The following MPV17 variants were observed in gnomAD, a reference collection of about 807,000 sequenced individuals.
The protein encoded by MPV17 is MPV17, mitochondrial inner membrane protein.
In MPV17, 31 loss-of-function variants were observed where a neutral mutation model predicts 28.6. That is an observed-to-expected ratio of 1.08 (90% confidence interval 0.81 to 1.46). The LOEUF (loss-of-function observed/expected upper bound fraction) is 1.46. Ranked by LOEUF, MPV17 falls within the 40% of genes most tolerant of loss-of-function variation. The probability of loss-of-function intolerance (pLI) is 0.00; values close to 1 mark genes in which losing one functional copy is unlikely to be tolerated. For synonymous variants in MPV17, 87 were observed against 85.3 expected, an observed-to-expected ratio of 1.02 and a Z score of -0.11; for missense variants, 198 against 216.2, an observed-to-expected ratio of 0.92 and a Z score of 0.53.
intron 2 of MPV17, chr2:27,316,070 G>A (rs1333986636): frequency 6.4e-7 from 1 of 1,550,474 alleles, no homozygotes; most frequent in Admixed American, 2.0e-5. Flanking sequence ...AGGCCCCAAA[G>A]GGCCTGCATA....
chr2:27,312,272 T>G, intron 5 of MPV17, 26 bp from the exon 6 acceptor site: 8 of 1,613,460 alleles, frequency 5.0e-6, no homozygotes, highest in Non-Finnish European at 6.8e-6. Flanking sequence ...AGGAACAAAT[T>G]AACACTTGCG....
At chr2:27,320,003 C>T (rs1448699148) in intron 2 of MPV17, among the ~76,000 whole-genome samples, 4 of 150,604 alleles carry the variant, frequency 2.7e-5, no homozygotes, top group South Asian at 2.1e-4. Context: ...TTTAGGAGGC[C>T]GAGGCGGGTG....
At chr2:27,320,340 TG>T (rs1679811811) in intron 2 of MPV17, among the ~76,000 whole-genome samples, 1 of 150,720 alleles carries the variant, frequency 6.6e-6, no homozygotes, top group Non-Finnish European at 1.5e-5. Context: ...TTTTTTTTGT[TG>T]ATTTTTTTTT....
chr2:27,312,378 C>T, intron 5 of MPV17, 116 bp downstream of exon 5: 10 of 1,427,200 alleles, frequency 7.0e-6, no homozygotes, highest in Non-Finnish European at 9.9e-6. Context: ...TCCTCTCCTC[C>T]ATGGCCTGGG....
intron 2 of MPV17, among the ~76,000 whole-genome samples, chr2:27,315,029 C>T (rs1679599805): frequency 6.6e-6 from 1 of 152,212 alleles, no homozygotes; most frequent in South Asian, 2.1e-4. Flanking sequence ...CCTGCCTCGT[C>T]TCTCCCTGAA....
At chr2:27,315,196 G>A (rs1246043595) in intron 2 of MPV17, among the ~76,000 whole-genome samples, 1 of 152,242 alleles carries the variant, frequency 6.6e-6, no homozygotes, top group African/African-American at 2.4e-5. Context: ...AACGTCAAAT[G>A]TACTGTCCCA....
chr2:27,315,076 G>A (rs985392335), intron 2 of MPV17, among the ~76,000 whole-genome samples: 3 of 152,302 alleles, frequency 2.0e-5, no homozygotes, highest in East Asian at 1.9e-4. Context: ...AGAACACTGC[G>A]AGGCATGACC....
At chr2:27,316,826 T>C (rs560501720) in intron 2 of MPV17, 2 of 435,162 alleles carry the variant, frequency 4.6e-6, no homozygotes, top group South Asian at 3.4e-5. Flanking sequence ...TGATGCCCAA[T>C]GACAGGCTGG....
chr2:27,315,811 C>T, intron 2 of MPV17: 1 of 1,000,694 alleles, frequency 1.0e-6, no homozygotes, highest in Non-Finnish European at 1.3e-6. Context: ...ATCCACCTGC[C>T]TTGGCCGCCC....
At position 27,317,245 on chromosome 2, in the gene MPV17, T is replaced by G. The variant is rs1308014137; in HGVS notation, c.71-4136A>C. ...TTCCTCCCCAGAAGTCTGCAAACATTAGTTAGCTGCCTAGGATAGGGGCTC... is the reference window on the plus strand; with the variant it reads ...TTCCTCCCCAGAAGTCTGCAAACATGAGTTAGCTGCCTAGGATAGGGGCTC... On this transcript the variant is annotated intron_variant, in intron 2 of 7. Coordinates refer to ENST00000380044, the MANE Select transcript of MPV17 (RefSeq NM_002437.5). This position sits in a 1 kb window ranked among gnomAD's most constrained non-coding sequence, Gnocchi z 4.0. 3.9e-6 allele frequency: 6 copies of G among 1,537,618 alleles called. No homozygotes were observed. In the African/African-American group the frequency reaches 8.3e-5, roughly 21 times the overall value.
chr2:27,311,998 C>A (rs757164703), intron 6 of MPV17, 47 bp from the exon 7 acceptor site: 1 of 1,604,154 alleles, frequency 6.2e-7, no homozygotes, highest in South Asian at 1.1e-5. Context: ...ACCACCTGAC[C>A]CCAGACTCAC....
At chr2:27,311,972 G>A (rs1215518467) in intron 6 of MPV17, 21 bp from the exon 7 acceptor site, 4 of 1,612,146 alleles carry the variant, frequency 2.5e-6, no homozygotes, top group Non-Finnish European at 3.4e-6. Context: ...AAATGTAAAG[G>A]TTGGATGGCT....
At chr2:27,312,185 G>A (rs745699358) in intron 6 of MPV17, 29 bp downstream of exon 6, 11 of 1,611,024 alleles carry the variant, frequency 6.8e-6, no homozygotes, top group South Asian at 5.5e-5. Flanking sequence ...GGAAGCAGGA[G>A]AACAAGCAGT....
Position 27,322,541 on chromosome 2 carries a change from AGG to A in MPV17, c.-5-21_-5-20del. On this transcript the variant is annotated intron_variant, in intron 1 of 7. Transcript: ENST00000380044. Reference sequence around the variant, plus strand: ...ATGCTTCCTGTCAAGCCAAGAGGAGAGGGGGTCACCCCCACCGTCCCTCTCCA... The same window carrying A: ...ATGCTTCCTGTCAAGCCAAGAGGAGAGGGTCACCCCCACCGTCCCTCTCCA... 1 of 1,610,542 alleles carries A rather than the reference AGG, an allele frequency of 6.2e-7. No individual in the cohort carries two copies. The highest frequency in any genetic ancestry group is 1.1e-5 in the South Asian group (1 of 91,018).
chr2:27,311,395 C>T lies in MPV17; in HGVS notation c.461+504G>A. The T allele has an allele frequency of 5.0e-6, 3 of 602,016 alleles. No homozygotes were observed. The South Asian group carries it at 6.0e-5, about 12-fold the overall frequency. The allele number at this position is 602,016 out of a possible 1,614,324, so 37.3% of individuals were successfully genotyped here. ...TCGTTTTAGCTATGCTACTCATGTA[C>T]ATTTTGGCCCTGTTCCCTCTGAAGC... On this transcript the variant is annotated intron_variant, in intron 7 of 7. Coordinates refer to ENST00000380044, the MANE Select transcript of MPV17 (RefSeq NM_002437.5).
At chr2:27,311,790 G>A in intron 7 of MPV17, 109 bp downstream of exon 7, 1 of 1,569,680 alleles carries the variant, frequency 6.4e-7, no homozygotes, top group South Asian at 1.2e-5. Flanking sequence ...ACGGCTCAGT[G>A]TTCCGTTTGG....
At chr2:27,319,529 C>T (rs986809138) in intron 2 of MPV17, among the ~76,000 whole-genome samples, 5 of 143,224 alleles carry the variant, frequency 3.5e-5, no homozygotes, top group African/African-American at 1.0e-4. Flanking sequence ...AGCAAGACCC[C>T]GTCTCAAATA....
intron 2 of MPV17, among the ~76,000 whole-genome samples, chr2:27,318,013 TG>T (rs1207580622): frequency 6.6e-6 from 1 of 152,200 alleles, no homozygotes; most frequent in African/African-American, 2.4e-5. Flanking sequence ...GCAGTGACTA[TG>T]CATGTGTGAA....
chr2:27,312,521 G>A lies in MPV17; in HGVS notation c.348C>T (p.Ala116=). ...PLVGALNGLS[A]QDNWAKLQRD... The stretch of plus-strand genomic sequence containing the variant: ...GCTGTAGTTTGGCCCAGTTGTCCTG[G>A]GCTGACAGTCCATTAAGTGCCCCTA... The change falls in exon 5 of 8, where the codon GCC becomes GCT. Residue 116 remains alanine, a synonymous_variant. Coordinates refer to ENST00000380044, the MANE Select transcript of MPV17 (RefSeq NM_002437.5). The A allele has an allele frequency of 6.2e-7, 1 of 1,614,146 alleles. No individual in the cohort carries two copies. The highest frequency in any genetic ancestry group is 2.2e-5 in the East Asian group (1 of 44,878).
Sources: gnomAD v4.1 joint callset for allele counts (sites outside exome capture counted in the v4.1 genomes callset) on GRCh38, gnomAD v4.1.1 for gene constraint, Gnocchi (gnomAD v3.1) non-coding constraint, MANE v1.5 for transcripts, NCBI Gene and HGNC (gene_info 2026-07-23, HGNC 2026-07-21) for gene names.